PCDHA7: variants seen among roughly 807,000 people sequenced by gnomAD.
PCDHA7 encodes protocadherin alpha 7, also known as protocadherin alpha-7.
In PCDHA7, 37 loss-of-function variants were observed where a neutral mutation model predicts 57.2. The ratio of observed to expected loss-of-function variants is 0.65; its 90% CI spans 0.50 to 0.85. The LOEUF (loss-of-function observed/expected upper bound fraction) is 0.85, where lower values mean the gene tolerates loss of function less well. Among genes scored for constraint, PCDHA7 ranks in the 40% least tolerant of loss-of-function variants. The pLI, the probability that PCDHA7 is intolerant of heterozygous loss-of-function variation, is 0.00. For synonymous variants in PCDHA7, 553 were observed against 558.8 expected, an observed-to-expected ratio of 0.99 and a Z score of 0.15; for missense variants, 1,188 against 1,241.8, an observed-to-expected ratio of 0.96 and a Z score of 0.65.
At chr5:141,000,950 T>C (rs781867970) in intron 3 of PCDHA7, among the ~76,000 whole-genome samples, 2 of 152,214 alleles carry the variant, frequency 1.3e-5, no homozygotes, top group Non-Finnish European at 2.9e-5. Flanking sequence ...ATTATCTTGC[T>C]GTAATTTAAG....
At chr5:141,007,395 CAAAAA>C (rs35800918) in intron 3 of PCDHA7, among the ~76,000 whole-genome samples, 1 of 94,866 alleles carries the variant, frequency 1.1e-5, no homozygotes, top group Non-Finnish European at 2.1e-5. Flanking sequence ...TACTAAAATA[CAAAAA>C]AAAAAAAAAA....
intron 2 of PCDHA7, 129 bp from the exon 3 acceptor site, chr5:140,982,346 G>A: frequency 1.3e-6 from 2 of 1,492,346 alleles, no homozygotes; most frequent in South Asian, 2.7e-5. Context: ...AATTGCTTCA[G>A]TTCAAGCATG....
chr5:140,876,637 C>T, intron 1 of PCDHA7: 1 of 1,614,206 alleles, frequency 6.2e-7, no homozygotes, highest in Non-Finnish European at 8.5e-7. Context: ...CATCTGCTCA[C>T]TGACACCTCA....
chr5:140,841,002 A>G (rs1288568403), intron 1 of PCDHA7, among the ~76,000 whole-genome samples: 1 of 152,084 alleles, frequency 6.6e-6, no homozygotes, highest in African/African-American at 2.4e-5. Flanking sequence ...TAATGTAAGG[A>G]GCCAGACAGT....
In PCDHA7 at chr5:140,836,644, G is replaced by A. The variant is rs2150266560; in HGVS notation, c.2261G>A (p.Arg754Lys). ...AVGSWSFSQQ[R>K]RQRVCSGEGP... ...GGGAGCTGGTCATTCTCCCAGCAGA[G>A]GCGGCAGAGGGTGTGCTCTGGGGAG... The change falls in exon 1 of 4, where the codon AGG (arginine) becomes AAG (lysine). Residue 754 changes from arginine to lysine, a missense_variant. Physicochemically the swap from Arg to Lys is conservative, Grantham distance 26. This residue lies in a region of PCDHA7 where 892 missense variants were observed against 788.5 expected (regional missense o/e 1.13). Coordinates refer to ENST00000525929, the MANE Select transcript of PCDHA7 (RefSeq NM_018910.3). 1 of 1,613,528 alleles carries A rather than the reference G, an allele frequency of 6.2e-7. No homozygotes were observed.
chr5:140,956,706 G>A (rs1166051458), intron 1 of PCDHA7, among the ~76,000 whole-genome samples: 2 of 152,172 alleles, frequency 1.3e-5, no homozygotes, highest in African/African-American at 4.8e-5. Flanking sequence ...GTTTGGAATA[G>A]CTTCAGAAGA....
chr5:141,005,308 TA>T (rs1345689314), intron 3 of PCDHA7, among the ~76,000 whole-genome samples: 4 of 152,214 alleles, frequency 2.6e-5, no homozygotes, highest in Non-Finnish European at 4.4e-5. Context: ...TTGTGAATCT[TA>T]CAGTGGTAGA....
intron 3 of PCDHA7, among the ~76,000 whole-genome samples, chr5:140,993,704 A>G (rs1032326931): frequency 3.3e-5 from 5 of 152,172 alleles, no homozygotes; most frequent in African/African-American, 1.2e-4. Flanking sequence ...TTGTAATACC[A>G]TATTTTTACT....
At chr5:140,853,678 A>G (rs2042828793) in intron 1 of PCDHA7, 4 of 988,418 alleles carry the variant, frequency 4.0e-6, no homozygotes, top group Non-Finnish European at 3.7e-6. Flanking sequence ...CCTATGGTCA[A>G]CCTATCCTTA....
intron 1 of PCDHA7, chr5:140,863,366 C>A: frequency 8.4e-7 from 1 of 1,190,444 alleles, no homozygotes; most frequent in Non-Finnish European, 1.2e-6. Context: ...CGGTGCTTGG[C>A]GCAGCTCACC....
intron 1 of PCDHA7, among the ~76,000 whole-genome samples, chr5:140,960,594 G>A (rs1341832093): frequency 6.6e-6 from 1 of 152,042 alleles, no homozygotes; most frequent in African/African-American, 2.4e-5. Flanking sequence ...CAAATTCAAG[G>A]TACTTCAACA....
intron 3 of PCDHA7, among the ~76,000 whole-genome samples, chr5:140,990,006 G>T (rs1249732911): frequency 1.3e-5 from 2 of 152,116 alleles, no homozygotes; most frequent in Non-Finnish European, 2.9e-5. Flanking sequence ...ATCTCCAAGG[G>T]CGTGGGCTAG....
intron 3 of PCDHA7, among the ~76,000 whole-genome samples, chr5:141,009,130 G>A (rs1395175038): frequency 2.0e-5 from 3 of 152,188 alleles, no homozygotes; most frequent in African/African-American, 7.2e-5. Flanking sequence ...TGGTATCCTG[G>A]TGAAAAAACC....
intron 1 of PCDHA7, chr5:140,870,140 C>G: frequency 6.2e-7 from 1 of 1,614,040 alleles, no homozygotes; most frequent in Non-Finnish European, 8.5e-7. Flanking sequence ...AACGATAACT[C>G]TCCTGAAGTC....
chr5:140,927,008 TCTCCGCGGACTTGAGGCTGCCAG>T (rs782232084), intron 1 of PCDHA7: 1 of 1,612,514 alleles, frequency 6.2e-7, no homozygotes, highest in South Asian at 1.1e-5. Flanking sequence ...GTAGGCAATC[TCTCCGCGGACTTGAGGCTGCCAG>T]CGGCCGCTAT....
chr5:140,967,181 T>C (rs782433025), intron 1 of PCDHA7: 4 of 1,613,136 alleles, frequency 2.5e-6, no homozygotes, highest in East Asian at 2.2e-5. Context: ...GGTGGAAATA[T>C]TGGACATCAA....
chr5:140,871,506 A>C (rs997428507), intron 1 of PCDHA7: 2 of 1,580,864 alleles, frequency 1.3e-6, no homozygotes, highest in Admixed American at 1.8e-5. Flanking sequence ...TGAGTTTTCT[A>C]CAGATTCCAC....
chr5:140,868,875 C>T (rs1033473828), intron 1 of PCDHA7: 3 of 661,952 alleles, frequency 4.5e-6, no homozygotes, highest in African/African-American at 3.6e-5. Context: ...GTGCACAGTA[C>T]TCACAGTTTT....
At chr5:140,968,569 C>A in intron 1 of PCDHA7, 1 of 1,614,204 alleles carries the variant, frequency 6.2e-7, no homozygotes, top group Middle Eastern at 1.7e-4. Flanking sequence ...CCCCTGCTGG[C>A]TACCTGGTCA....
Sources: gnomAD v4.1 joint callset for allele counts (sites outside exome capture counted in the v4.1 genomes callset) on GRCh38, gnomAD v4.1.1 for gene constraint, gnomAD v4.1.1 regional missense constraint, MANE v1.5 for transcripts, NCBI Gene and HGNC (gene_info 2026-07-23, HGNC 2026-07-21) for gene names.